CAMK2G: variants seen among roughly 807,000 people sequenced by gnomAD.
The protein encoded by CAMK2G is calcium/calmodulin-dependent protein kinase type II subunit gamma.
In CAMK2G, 23 loss-of-function variants were observed where a neutral mutation model predicts 88.7. The observed-to-expected ratio is 0.26, with a 90% CI of 0.19 to 0.37. The LOEUF (loss-of-function observed/expected upper bound fraction) is 0.37. Among genes scored for constraint, CAMK2G ranks in the 10% least tolerant of loss-of-function variants. The pLI is 1.00. For missense variants in CAMK2G, 476 were observed against 780.8 expected, an observed-to-expected ratio of 0.61 and a Z score of 4.65; for synonymous variants, 263 against 294.8, an observed-to-expected ratio of 0.89 and a Z score of 1.11.
chr10:73,839,358 TA>T lies in CAMK2G; in HGVS notation c.1009+180del, dbSNP rs753859426. ...CAAGCGCCCAGCATGCATGGCTGGT[TA>T]GGGGGCTCCATAACAACGATGCGCT... is the stretch of plus-strand genomic sequence containing the variant. On this transcript the variant is annotated intron_variant, in intron 13 of 22. Transcript: ENST00000423381. This position sits in a 1 kb window ranked among gnomAD's most constrained non-coding sequence, Gnocchi z 4.2. Among the ~76,000 whole-genome samples, 1 of 152,178 alleles carries T rather than the reference TA, an allele frequency of 6.6e-6. No individual in the cohort carries two copies. The highest frequency in any genetic ancestry group is 1.5e-5 in the Non-Finnish European group (1 of 68,020).
intron 12 of CAMK2G, among the ~76,000 whole-genome samples, chr10:73,841,362 G>GTTA (rs2093769195): frequency 6.6e-6 from 1 of 152,140 alleles, no homozygotes; most frequent in South Asian, 2.1e-4. Flanking sequence ...TTAGAGGGAG[G>GTTA]GAGGACCGGG....
chr10:73,857,444 C>T (rs1474045734), intron 3 of CAMK2G, among the ~76,000 whole-genome samples: 2 of 152,274 alleles, frequency 1.3e-5, no homozygotes, highest in East Asian at 1.9e-4. Context: ...AATCTGGATG[C>T]GACTCCGAAG....
At chr10:73,826,929 C>T (rs918763981) in intron 15 of CAMK2G, among the ~76,000 whole-genome samples, 10 of 152,266 alleles carry the variant, frequency 6.6e-5, no homozygotes, top group Admixed American at 2.0e-4. Context: ...CCACAGACTG[C>T]GACAGGCTAG....
At chr10:73,824,569 G>A (rs555388630) in intron 16 of CAMK2G, among the ~76,000 whole-genome samples, 95 of 152,328 alleles carry the variant, frequency 6.2e-4, no homozygotes, top group Non-Finnish European at 9.3e-4. Flanking sequence ...CCAGAGAGCT[G>A]CCCACTGCGC....
rs2092215327 is a variant in CAMK2G at position 73,830,299 on chromosome 10, G to GATTA, written c.1054-2179_1054-2178insTAAT. Among the ~76,000 whole-genome samples, 5 of 152,188 alleles carry GATTA rather than the reference G, an allele frequency of 3.3e-5. No individual in the cohort carries two copies. In the South Asian group the frequency reaches 1.0e-3, roughly 32 times the overall value. The stretch of plus-strand genomic sequence containing the variant: ...CTTTTTATTATTTTTTTAGAGATAA[G>GATTA]GTCTTGCTCTATTGCCCGGGCTGAA... On this transcript the variant is annotated intron_variant, in intron 14 of 22. Coordinates refer to ENST00000423381, the MANE Select transcript of CAMK2G (RefSeq NM_001367534.1).
In CAMK2G at chr10:73,838,343, G is replaced by T. The variant is rs2093448555; in HGVS notation, c.1010-832C>A. Among the ~76,000 whole-genome samples the T allele has an allele frequency of 2.6e-5, 4 of 152,336 alleles. 1 individual carries two copies. The highest frequency in any genetic ancestry group is 6.8e-3 in the Middle Eastern group (2 of 294). On this transcript the variant is annotated intron_variant, in intron 13 of 22. Coordinates refer to ENST00000423381, the MANE Select transcript of CAMK2G (RefSeq NM_001367534.1). ...CACCTGGACTGCCTGCCCTGGGTCTGTATCTTGGTTCCACCACTTGCCAGC... is the reference window on the plus strand; with the variant it reads ...CACCTGGACTGCCTGCCCTGGGTCTTTATCTTGGTTCCACCACTTGCCAGC...
In CAMK2G at chr10:73,817,098, G is replaced by A. The variant is rs142718538; in HGVS notation, c.1459C>T (p.Leu487Phe). Residue 487 changes from leucine (L) to phenylalanine (F), a missense_variant, in exon 21 of 23, where the codon CTC becomes TTC. Leu to Phe is a conservative substitution (Grantham distance 22). Coordinates refer to ENST00000423381, the MANE Select transcript of CAMK2G (RefSeq NM_001367534.1). ...EAYTKICDPG[L>F]TSFEPEALGN... ...AGGGCCTCAGGCTCAAAGGAAGTGAGGCCTGGATCACAAATCTTCCTACAG... is the reference window on the plus strand; with the variant it reads ...AGGGCCTCAGGCTCAAAGGAAGTGAAGCCTGGATCACAAATCTTCCTACAG... 1.2e-6 allele frequency: 2 copies of A among 1,610,390 alleles called. No individual in the cohort carries two copies. Among genetic ancestry groups the A allele is most frequent in the Non-Finnish European group, 1.7e-6 (2 of 1,178,506 alleles).
At chr10:73,867,418 C>T (rs1018560514) in intron 2 of CAMK2G, among the ~76,000 whole-genome samples, 5 of 152,374 alleles carry the variant, frequency 3.3e-5, no homozygotes, top group African/African-American at 4.8e-5. Context: ...GCAGGGCTCC[C>T]GGTGCCTGCA....
At position 73,819,745 on chromosome 10, in the gene CAMK2G, G is replaced by A. The variant is rs892929361; in HGVS notation, c.1250-100C>T. 4.2e-6 allele frequency: 3 copies of A among 720,186 alleles called. No individual in the cohort carries two copies. The East Asian group carries it at 8.4e-5, about 20-fold the overall frequency. 44.6% of individuals were successfully genotyped at this position (720,186 alleles called of 1,614,324 possible). ...CAAGCCAGACAGGCCCCGAGCCCAT[G>A]GCGCTGCAGAGCCGGGGCAAGGGGA... On this transcript the variant is annotated intron_variant, in intron 18 of 22. Coordinates refer to ENST00000423381, the MANE Select transcript of CAMK2G (RefSeq NM_001367534.1).
At chr10:73,829,276 T>TTA (rs1197563597) in intron 14 of CAMK2G, among the ~76,000 whole-genome samples, 9 of 148,516 alleles carry the variant, frequency 6.1e-5, no homozygotes, top group Admixed American at 5.4e-4. Context: ...TTTTATTTAT[T>TTA]TATTTATTTA....
intron 19 of CAMK2G, 70 bp from the exon 20 acceptor site, chr10:73,817,624 T>G: frequency 1.1e-6 from 1 of 948,012 alleles, no homozygotes; most frequent in Non-Finnish European, 1.7e-6. Flanking sequence ...CCCTCCCCAG[T>G]CCTCAGGAGT....
At chr10:73,864,358 A>G (rs2095503817) in intron 2 of CAMK2G, among the ~76,000 whole-genome samples, 1 of 152,108 alleles carries the variant, frequency 6.6e-6, no homozygotes, top group Non-Finnish European at 1.5e-5. Flanking sequence ...AGATGCTAGG[A>G]AGACAGTGGC....
At chr10:73,864,765 C>A (rs1050871216) in intron 2 of CAMK2G, among the ~76,000 whole-genome samples, 4 of 152,144 alleles carry the variant, frequency 2.6e-5, no homozygotes, top group Non-Finnish European at 5.9e-5. Context: ...GCCTCAGCCT[C>A]CCGAGTAGCT....
chr10:73,831,277 T>C (rs2092385376), intron 14 of CAMK2G, among the ~76,000 whole-genome samples: 1 of 152,118 alleles, frequency 6.6e-6, no homozygotes, highest in African/African-American at 2.4e-5. Flanking sequence ...CGGTGGTTCA[T>C]GCCTGTAATC....
Position 73,860,819 on chromosome 10 carries a change from C to A in CAMK2G, c.220+11G>T. 1 of 1,604,984 alleles carries A rather than the reference C, an allele frequency of 6.2e-7. No homozygotes were observed. The highest frequency in any genetic ancestry group is 8.5e-7 in the Non-Finnish European group (1 of 1,171,742). Reference sequence around the variant, plus strand: ...AAATACCCACAAAATGCTCCATGCCCAGGCACTCACCGATGTTTGGATGTT... The same window carrying A: ...AAATACCCACAAAATGCTCCATGCCAAGGCACTCACCGATGTTTGGATGTT... On this transcript the variant is annotated intron_variant, in intron 3 of 22. Coordinates refer to ENST00000423381, the MANE Select transcript of CAMK2G (RefSeq NM_001367534.1).
At position 73,848,900 on chromosome 10, in the gene CAMK2G, T is replaced by C; in HGVS notation, c.517+113A>G. ...CTGAGTCGCGTACGGCCAAGAGAGA[T>C]CTCGGAGGCCAGGACCATTAAGGGT... On this transcript the variant is annotated intron_variant, in intron 7 of 22. Transcript: ENST00000423381. This position sits in a 1 kb window ranked among gnomAD's most constrained non-coding sequence, Gnocchi z 4.5. 1 of 780,620 alleles carries C rather than the reference T, an allele frequency of 1.3e-6. No individual in the cohort carries two copies. Among genetic ancestry groups the C allele is most frequent in the Non-Finnish European group, 2.3e-6 (1 of 429,014 alleles). The allele number at this position is 780,620 out of a possible 1,614,324, so 48.4% of individuals were successfully genotyped here.
chr10:73,825,880 G>C (rs112015329), intron 15 of CAMK2G, among the ~76,000 whole-genome samples: 2,174 of 152,316 alleles, frequency 0.014, 56 homozygotes, highest in African/African-American at 0.049. Flanking sequence ...CAGAGGATGG[G>C]GGTGGAAGTC....
chr10:73,860,919 A>C (rs2095342805), intron 2 of CAMK2G, 30 bp from the exon 3 acceptor site: 2 of 1,550,980 alleles, frequency 1.3e-6, no homozygotes, highest in Non-Finnish European at 1.8e-6. Context: ...AACAAAAGCC[A>C]TCAACCATCC....
rs576863092 is a variant in CAMK2G, at chr10:73,839,221, C to A, written c.1009+318G>T. ...CCGGGCAGCTCAGGGCAATGCCCAGCACTGTCTCTGAGGGCCCACTGTTGG... is the reference window on the plus strand; with the variant it reads ...CCGGGCAGCTCAGGGCAATGCCCAGAACTGTCTCTGAGGGCCCACTGTTGG... On this transcript the variant is annotated intron_variant, in intron 13 of 22. Transcript: ENST00000423381. This position sits in a 1 kb window ranked among gnomAD's most constrained non-coding sequence, Gnocchi z 4.2. Among the ~76,000 whole-genome samples, 1 of 152,340 alleles carries A rather than the reference C, an allele frequency of 6.6e-6. No individual in the cohort carries two copies. Among genetic ancestry groups the A allele is most frequent in the South Asian group, 2.1e-4 (1 of 4,834 alleles).
Sources: gnomAD v4.1 joint callset for allele counts (sites outside exome capture counted in the v4.1 genomes callset) on GRCh38, gnomAD v4.1.1 for gene constraint, Gnocchi (gnomAD v3.1) non-coding constraint, MANE v1.5 for transcripts, NCBI Gene and HGNC (gene_info 2026-07-23, HGNC 2026-07-21) for gene names.